Variants in JPH3 observed in about 807,000 individuals in gnomAD.
JPH3 encodes junctophilin 3, also known as junctophilin-3.
In JPH3, 11 loss-of-function variants were observed where a neutral mutation model predicts 59.6. The ratio of observed to expected loss-of-function variants is 0.18; its 90% CI spans 0.12 to 0.31. The LOEUF (loss-of-function observed/expected upper bound fraction) is 0.31. Ranked by LOEUF, JPH3 falls within the 10% of genes least tolerant of loss-of-function variation. The pLI is 1.00. For missense variants in JPH3, 1,202 were observed against 1,105.7 expected, an observed-to-expected ratio of 1.09 and a Z score of -1.24; for synonymous variants, 673 against 483.6, an observed-to-expected ratio of 1.39 and a Z score of -5.14.
intron 2 of JPH3, among the ~76,000 whole-genome samples, chr16:87,667,694 C>G (rs776013000): frequency 2.6e-5 from 4 of 152,186 alleles, no homozygotes; most frequent in Non-Finnish European, 5.9e-5. Flanking sequence ...ATCCTGGCCT[C>G]CCGGAGCTTC....
intron 1 of JPH3, among the ~76,000 whole-genome samples, chr16:87,616,495 C>T (rs1021468218): frequency 6.6e-6 from 1 of 151,828 alleles, no homozygotes; most frequent in Non-Finnish European, 1.5e-5. Flanking sequence ...CGTGATCCGC[C>T]CACCTCGGCC....
intron 1 of JPH3, among the ~76,000 whole-genome samples, chr16:87,623,874 C>T (rs754173087): frequency 1.3e-5 from 2 of 152,258 alleles, no homozygotes; most frequent in Non-Finnish European, 2.9e-5. Flanking sequence ...GGCCGCAGAG[C>T]AAGCTTTCTG....
intron 3 of JPH3, among the ~76,000 whole-genome samples, chr16:87,687,974 T>C (rs927931930): frequency 3.7e-4 from 57 of 152,242 alleles, no homozygotes; most frequent in African/African-American, 1.3e-3. Flanking sequence ...GTGGGCATGA[T>C]TGGGGGCCTC....
rs2142863287 is a variant in JPH3 at position 87,697,920 on chromosome 16, G to A, written c.*1260G>A. On this transcript the variant is annotated 3_prime_UTR_variant, in exon 5 of 5. Coordinates refer to ENST00000284262, the MANE Select transcript of JPH3 (RefSeq NM_020655.4). Reference sequence around the variant, plus strand: ...CCTGGCCCTGGCTCTCGTGTGCATGGACGTGCCTGAGGGGTCCGGGCACGG... The same window carrying A: ...CCTGGCCCTGGCTCTCGTGTGCATGAACGTGCCTGAGGGGTCCGGGCACGG... 1 of 152,616 alleles carries A rather than the reference G, an allele frequency of 6.6e-6. No homozygotes were observed. Among genetic ancestry groups the A allele is most frequent in the African/African-American group, 2.4e-5 (1 of 41,576 alleles). 9.5% of individuals were successfully genotyped at this position (152,616 alleles called of 1,614,324 possible). A position where few individuals can be genotyped will look rare whatever the true frequency, so the allele number is the denominator to read the frequency against.
intron 2 of JPH3, among the ~76,000 whole-genome samples, chr16:87,652,992 G>A (rs1388266670): frequency 6.6e-6 from 1 of 152,222 alleles, no homozygotes; most frequent in Admixed American, 6.5e-5. Flanking sequence ...GGCATAGCAG[G>A]AAGTGAACTG....
chr16:87,645,558 C>T (rs1041691616), intron 2 of JPH3, among the ~76,000 whole-genome samples: 36 of 152,144 alleles, frequency 2.4e-4, no homozygotes, highest in African/African-American at 8.2e-4. Context: ...TGGCAAGGGG[C>T]TCATGCAGGC....
chr16:87,695,129 G>A (rs773401575), intron 4 of JPH3: 7 of 360,948 alleles, frequency 1.9e-5, no homozygotes, highest in Admixed American at 1.8e-4. Context: ...TCTGGGAGAG[G>A]AGCCAGCAGC....
intron 2 of JPH3, among the ~76,000 whole-genome samples, chr16:87,664,948 C>T (rs1449380848): frequency 6.6e-6 from 1 of 152,206 alleles, no homozygotes; most frequent in African/African-American, 2.4e-5. Flanking sequence ...TTTGCCTGTC[C>T]CCTGAAACCG....
chr16:87,622,833 G>A (rs1313064602), intron 1 of JPH3, among the ~76,000 whole-genome samples: 2 of 152,164 alleles, frequency 1.3e-5, no homozygotes, highest in African/African-American at 4.8e-5. Flanking sequence ...GGCTGGGGAG[G>A]TGGTGTAGCC....
Position 87,636,274 on chromosome 16 carries a change from T to C in JPH3, c.383-7984T>C, listed in dbSNP as rs141969922. Among the ~76,000 whole-genome samples the C allele has an allele frequency of 5.6e-3, 859 of 152,316 alleles. 8 individuals carry two copies. The highest frequency in any genetic ancestry group is 0.018 in the African/African-American group (749 of 41,566). On this transcript the variant is annotated intron_variant, in intron 1 of 4. Transcript: ENST00000284262. ...CGGGGGCGTCCTGCATCTGCGCCGT[T>C]CAGCTCAGTTGCCCTCAGCCGCGGT... is the stretch of plus-strand genomic sequence containing the variant.
At position 87,644,715 on chromosome 16, in the gene JPH3, C is replaced by A; in HGVS notation, c.840C>A (p.Ile280=). The A allele has an allele frequency of 1.2e-6, 2 of 1,601,762 alleles. No homozygotes were observed. Among genetic ancestry groups the A allele is most frequent in the Non-Finnish European group, 1.7e-6 (2 of 1,175,644 alleles). The change falls in exon 2 of 5, where the codon ATC becomes ATA. Residue 280 remains isoleucine (I), a synonymous_variant. Coordinates refer to ENST00000284262, the MANE Select transcript of JPH3 (RefSeq NM_020655.4). ...EAELAVIEDD[I]DATTTETYVG... ...AGCTGGCGGTCATCGAGGACGACAT[C>A]GACGCCACCACCACCGAGACCTACG...
intron 2 of JPH3, among the ~76,000 whole-genome samples, chr16:87,661,830 G>T (rs1248023557): frequency 6.6e-6 from 1 of 152,206 alleles, no homozygotes; most frequent in African/African-American, 2.4e-5. Flanking sequence ...GTGCAACTCA[G>T]CATTTCCCCA....
intron 1 of JPH3, among the ~76,000 whole-genome samples, chr16:87,610,576 G>C (rs991938881): frequency 1.3e-5 from 2 of 152,106 alleles, no homozygotes; most frequent in Admixed American, 1.3e-4. Flanking sequence ...TCGTATGCCT[G>C]TTTCATTGCA....
chr16:87,638,229 A>G (rs1053389439), intron 1 of JPH3, among the ~76,000 whole-genome samples: 1 of 152,118 alleles, frequency 6.6e-6, no homozygotes, highest in African/African-American at 2.4e-5. Context: ...TCCTTTTAAA[A>G]TTTTAATTTT....
chr16:87,656,661 G>A (rs571267250), intron 2 of JPH3, among the ~76,000 whole-genome samples: 1 of 152,288 alleles, frequency 6.6e-6, no homozygotes, highest in Non-Finnish European at 1.5e-5. Flanking sequence ...TGCAGCTGGC[G>A]GGTCAGGGGC....
At chr16:87,649,839 C>A (rs541557974) in intron 2 of JPH3, among the ~76,000 whole-genome samples, 2 of 152,254 alleles carry the variant, frequency 1.3e-5, no homozygotes, top group African/African-American at 4.8e-5. Context: ...GAGGGAGAGA[C>A]GGGGTGGCCC....
At chr16:87,690,596 T>C in intron 4 of JPH3, 70 bp downstream of exon 4, 3 of 1,387,590 alleles carry the variant, frequency 2.2e-6, no homozygotes, top group Non-Finnish European at 2.8e-6. Flanking sequence ...TGGTGTTTCC[T>C]GAGGGTTTCC....
chr16:87,603,551 G>T, intron 1 of JPH3, 23 bp downstream of exon 1: 1 of 1,541,410 alleles, frequency 6.5e-7, no homozygotes, highest in South Asian at 1.2e-5. Flanking sequence ...GGCCGGGCCG[G>T]GCCGGGGCGG....
Position 87,690,477 on chromosome 16 carries a change from T to C in JPH3, c.2117T>C (p.Val706Ala). 6.7e-7 allele frequency: 1 copy of C among 1,488,330 alleles called. No individual in the cohort carries two copies. The highest frequency in any genetic ancestry group is 8.9e-7 in the Non-Finnish European group (1 of 1,120,822). 92.2% of individuals were successfully genotyped at this position (1,488,330 alleles called of 1,614,324 possible). Residue 706 changes from valine (V) to alanine (A), a missense_variant, in exon 4 of 5, where the codon GTC becomes GCC. Coordinates refer to ENST00000284262, the MANE Select transcript of JPH3 (RefSeq NM_020655.4). ...TFSPPQKSLPVALESDEENGD... is the reference protein window; with the variant it reads ...TFSPPQKSLPAALESDEENGD... ...TCCCCGCCCCAGAAATCCTTGCCTG[T>C]CGCTCTAGAGTCCGACGAGGAGAAT... is the stretch of plus-strand genomic sequence containing the variant.
Sources: gnomAD v4.1 joint callset for allele counts (sites outside exome capture counted in the v4.1 genomes callset) on GRCh38, gnomAD v4.1.1 for gene constraint, MANE v1.5 for transcripts, NCBI Gene and HGNC (gene_info 2026-07-23, HGNC 2026-07-21) for gene names.